Variants in APBB1IP observed in about 807,000 individuals in gnomAD.
APBB1IP encodes amyloid beta precursor protein binding family B member 1 interacting protein, also known as amyloid beta A4 precursor protein-binding family B member 1-interacting protein.
Under a neutral mutation model 64.9 loss-of-function variants are expected in APBB1IP, and 27 were observed. The observed-to-expected ratio is 0.42, with a 90% confidence interval of 0.31 to 0.57. The LOEUF (loss-of-function observed/expected upper bound fraction) is 0.57, where lower values mean the gene tolerates loss of function less well. Ranked by LOEUF, APBB1IP falls within the 20% of genes least tolerant of loss-of-function variation. The probability of loss-of-function intolerance (pLI) is 0.20; values close to 1 mark genes in which losing one functional copy is unlikely to be tolerated. For missense variants in APBB1IP, 812 were observed against 845.5 expected, an observed-to-expected ratio of 0.96 and a Z score of 0.49; for synonymous variants, 392 against 331.0, an observed-to-expected ratio of 1.18 and a Z score of -2.00.
chr10:26,500,567 C>A (rs1836084067), intron 4 of APBB1IP, among the ~76,000 whole-genome samples: 2 of 152,198 alleles, frequency 1.3e-5, no homozygotes, highest in South Asian at 2.1e-4. Context: ...GTGTAGAGAA[C>A]ACATTTCCCC....
At chr10:26,513,773 C>T (rs1212375896) in intron 8 of APBB1IP, 113 bp downstream of exon 8, 21 of 1,338,772 alleles carry the variant, frequency 1.6e-5, no homozygotes, top group African/African-American at 3.0e-5. Context: ...GACGGAGTCT[C>T]GAAGGCTGGA....
chr10:26,557,102 A>T (rs1007486512), intron 11 of APBB1IP, among the ~76,000 whole-genome samples: 5 of 152,212 alleles, frequency 3.3e-5, no homozygotes, highest in Non-Finnish European at 7.4e-5. Context: ...GGGCCATATT[A>T]CCTGAGTTGA....
chr10:26,479,031 A>C (rs377030332), intron 2 of APBB1IP, among the ~76,000 whole-genome samples: 1 of 3,034 alleles, frequency 3.3e-4, no homozygotes, highest in Non-Finnish European at 4.4e-4. Context: ...ACATATATTC[A>C]CGCCTGTAAT....
At chr10:26,535,913 C>T (rs375036594) in intron 9 of APBB1IP, among the ~76,000 whole-genome samples, 161 bp from the exon 10 acceptor site, 1 of 152,332 alleles carries the variant, frequency 6.6e-6, no homozygotes, top group East Asian at 1.9e-4. Context: ...TTCTTCCTCT[C>T]TTCTGGCAAA....
At chr10:26,461,451 C>T (rs554918961) in intron 2 of APBB1IP, among the ~76,000 whole-genome samples, 4 of 151,930 alleles carry the variant, frequency 2.6e-5, no homozygotes, top group East Asian at 1.9e-4. Flanking sequence ...TGTCTTTTTC[C>T]GTTGGTTTAT....
At chr10:26,513,819 G>A (rs955331531) in intron 8 of APBB1IP, among the ~76,000 whole-genome samples, 159 bp downstream of exon 8, 3 of 151,944 alleles carry the variant, frequency 2.0e-5, no homozygotes, top group Admixed American at 6.6e-5. Context: ...TACAACCTCC[G>A]CCTCCTGGGT....
chr10:26,543,991 C>T (rs1588613396), intron 11 of APBB1IP, among the ~76,000 whole-genome samples: 1 of 152,302 alleles, frequency 6.6e-6, no homozygotes, highest in East Asian at 1.9e-4. Context: ...ATGGCAAGCA[C>T]TTATATGGCA....
intron 2 of APBB1IP, among the ~76,000 whole-genome samples, chr10:26,439,132 A>G (rs932308948): frequency 7.9e-5 from 12 of 151,990 alleles, no homozygotes; most frequent in African/African-American, 2.9e-4. Context: ...GATTTGACAG[A>G]TTTCCTGCCC....
Position 26,567,063 on chromosome 10 carries a change from T to G in APBB1IP, c.1576T>G (p.Ser526Ala). 1 of 1,491,146 alleles carries G rather than the reference T, an allele frequency of 6.7e-7. No homozygotes were observed. Among genetic ancestry groups the G allele is most frequent in the Non-Finnish European group, 8.8e-7 (1 of 1,137,040 alleles). 92.4% of individuals were successfully genotyped at this position (1,491,146 alleles called of 1,614,324 possible). A position where few individuals can be genotyped will look rare whatever the true frequency, so the allele number is the denominator to read the frequency against. The change falls in exon 15 of 15, where the codon TCC becomes GCC. Residue 526 changes from serine to alanine, a missense_variant. Ser to Ala is a moderately conservative substitution (Grantham distance 99, BLOSUM62 1). This residue lies in a region of APBB1IP where 381 missense variants were observed against 352.1 expected (regional missense o/e 1.08). Transcript: ENST00000376236. ...LPPPPPVRRSSDTSGSPATPL... is the reference protein window; with the variant it reads ...LPPPPPVRRSADTSGSPATPL... ...CCCGCCCCCTCCGGTGCGGAGGTCC[T>G]CCGACACCAGCGGCAGTCCCGCCAC...
In APBB1IP at chr10:26,492,341, T is replaced by C. The variant is rs984470921; in HGVS notation, c.15T>C (p.Ser5=). 7 of 1,613,934 alleles carry C rather than the reference T, an allele frequency of 4.3e-6. No individual in the cohort carries two copies. The highest frequency in any genetic ancestry group is 1.3e-5 in the African/African-American group (1 of 74,932). ...TCCTTTTTCAGATGGGTGAGTCAAG[T>C]GAAGACATAGACCAAATGTTCAGCA... MGES[S]EDIDQMFSTL... The change falls in exon 3 of 15, where the codon AGT becomes AGC. Residue 5 remains serine, a synonymous_variant. Transcript: ENST00000376236.
At chr10:26,457,975 G>T (rs1201038074) in intron 2 of APBB1IP, among the ~76,000 whole-genome samples, 1 of 152,138 alleles carries the variant, frequency 6.6e-6, no homozygotes, top group Non-Finnish European at 1.5e-5. Context: ...GTCTTTATTG[G>T]TATTTATGAA....
chr10:26,476,446 CAAAA>C (rs58548133), intron 2 of APBB1IP, among the ~76,000 whole-genome samples: 1 of 78,266 alleles, frequency 1.3e-5, no homozygotes, highest in African/African-American at 5.4e-5. Flanking sequence ...GACCCTGTCT[CAAAA>C]AAAAAAAAAA....
intron 2 of APBB1IP, among the ~76,000 whole-genome samples, chr10:26,489,048 A>C (rs1835925602): frequency 6.6e-6 from 1 of 152,232 alleles, no homozygotes; most frequent in African/African-American, 2.4e-5. Context: ...CTCCTGGCCA[A>C]CACAGTTTTA....
chr10:26,505,285 G>A (rs559454557), intron 6 of APBB1IP, among the ~76,000 whole-genome samples: 2 of 152,226 alleles, frequency 1.3e-5, no homozygotes, highest in Admixed American at 1.3e-4. Context: ...TCATCTAGGG[G>A]AGTCTTCCCA....
chr10:26,523,076 A>T (rs1836425153), intron 8 of APBB1IP, among the ~76,000 whole-genome samples: 1 of 152,042 alleles, frequency 6.6e-6, no homozygotes, highest in Non-Finnish European at 1.5e-5. Context: ...TAATGTTAGA[A>T]ATAGATTAGG....
intron 2 of APBB1IP, among the ~76,000 whole-genome samples, chr10:26,490,478 A>G (rs765800098): frequency 9.2e-5 from 14 of 152,068 alleles, no homozygotes; most frequent in Non-Finnish European, 1.8e-4. Context: ...TACAAAAATT[A>G]ACCAGGTGTG....
intron 2 of APBB1IP, among the ~76,000 whole-genome samples, chr10:26,466,133 C>T (rs565006250): frequency 6.6e-6 from 1 of 152,156 alleles, no homozygotes; most frequent in Non-Finnish European, 1.5e-5. Context: ...TTTCCTGGTC[C>T]CTGGGCTGAG....
Position 26,513,668 on chromosome 10 carries a change from G to T in APBB1IP, c.813+8G>T. 1 of 1,604,498 alleles carries T rather than the reference G, an allele frequency of 6.2e-7. No homozygotes were observed. Among genetic ancestry groups the T allele is most frequent in the Non-Finnish European group, 8.5e-7 (1 of 1,177,800 alleles). On this transcript the variant is annotated splice_region_variant and intron_variant, in intron 8 of 14. Transcript: ENST00000376236. ...GTATTTAAAAACCCCCAGGTAAGAT[G>T]ATCTGCATATTGTTAAACCCTATAA...
chr10:26,458,845 C>T (rs951207184), intron 2 of APBB1IP, among the ~76,000 whole-genome samples: 3 of 152,048 alleles, frequency 2.0e-5, no homozygotes, highest in African/African-American at 7.2e-5. Flanking sequence ...TGTCTGCTTT[C>T]ATTACTTTTT....
Sources: gnomAD v4.1 joint callset for allele counts (sites outside exome capture counted in the v4.1 genomes callset) on GRCh38, gnomAD v4.1.1 for gene constraint, gnomAD v4.1.1 regional missense constraint, MANE v1.5 for transcripts, NCBI Gene and HGNC (gene_info 2026-07-23, HGNC 2026-07-21) for gene names.